The following MISP variants were observed in gnomAD, a reference collection of about 807,000 sequenced individuals.
The protein encoded by MISP is mitotic interactor and substrate of PLK1.
MISP carries 51 observed loss-of-function variants against 49.3 expected under a neutral mutation model. The ratio of observed to expected loss-of-function variants is 1.03; its 90% CI spans 0.83 to 1.31. The LOEUF is 1.31. Ranked by LOEUF, MISP falls within the 50% of genes most tolerant of loss-of-function variation. The probability of loss-of-function intolerance (pLI) is 0.00; values close to 1 mark genes in which losing one functional copy is unlikely to be tolerated. For synonymous variants in MISP, 444 were observed against 392.6 expected, an observed-to-expected ratio of 1.13 and a Z score of -1.55; for missense variants, 1,084 against 935.1, an observed-to-expected ratio of 1.16 and a Z score of -2.08.
At chr19:761,391 A>C (rs575838516) in intron 3 of MISP, among the ~76,000 whole-genome samples, 1 of 152,126 alleles carries the variant, frequency 6.6e-6, no homozygotes, top group African/African-American at 2.4e-5. Flanking sequence ...AATTAAATTA[A>C]ATAAATCATG....
In MISP at chr19:758,070, C is replaced by T. The variant is rs568954801; in HGVS notation, c.1124C>T (p.Ala375Val). The T allele has an allele frequency of 1.7e-4, 259 of 1,568,108 alleles. 1 individual carries two copies. In the South Asian group the frequency reaches 2.9e-3, roughly 18 times the overall value. ...CGGGAGGGCCTGCACGTGGGCCGGG[C>T]GTCCACACCCGACTGGGTCTCGGAG... ...HRREGLHVGR[A>V]STPDWVSEGP... Residue 375 changes from alanine (A) to valine (V), a missense_variant, in exon 2 of 5, where the codon GCG becomes GTG. By Grantham distance (64) the Ala-to-Val change is moderately conservative. Transcript: ENST00000215582.
intron 4 of MISP, among the ~76,000 whole-genome samples, chr19:763,217 C>T (rs182074865): frequency 1.2e-3 from 181 of 152,260 alleles, no homozygotes; most frequent in Non-Finnish European, 1.9e-3. Flanking sequence ...GCAGAGCTTG[C>T]AGTGAGCCAA....
rs1221182096 is a variant in MISP at position 757,837 on chromosome 19, C to T, written c.891C>T (p.Ile297=). ...AGGAGACGCCCATCGAGCGGGAGAT[C>T]CGTCTGGCTCAGGAGCGTGAGGCAG... is the stretch of plus-strand genomic sequence containing the variant. The part of the protein sequence containing the change: ...TPKETPIERE[I]RLAQEREADL... Residue 297 remains isoleucine, a synonymous_variant, in exon 2 of 5, where the codon ATC becomes ATT. Coordinates refer to ENST00000215582, the MANE Select transcript of MISP (RefSeq NM_173481.4). 1.2e-6 allele frequency: 2 copies of T among 1,611,360 alleles called. No homozygotes were observed. Among genetic ancestry groups the T allele is most frequent in the Non-Finnish European group, 1.7e-6 (2 of 1,178,850 alleles).
rs748498948 is a variant in MISP at position 757,575 on chromosome 19, C to G, written c.629C>G (p.Ala210Gly). ...FLSLEQANKGAPHSSPARGTP... is the reference protein window; with the variant it reads ...FLSLEQANKGGPHSSPARGTP... ...AGTCTGGAGCAGGCGAACAAGGGGG[C>G]CCCTCATAGCTCCCCGGCCAGGGGG... is the stretch of plus-strand genomic sequence containing the variant. The change falls in exon 2 of 5, where the codon GCC becomes GGC. Residue 210 changes from alanine to glycine, a missense_variant. Coordinates refer to ENST00000215582, the MANE Select transcript of MISP (RefSeq NM_173481.4). The G allele has an allele frequency of 1.2e-6, 2 of 1,612,878 alleles. No homozygotes were observed. Among genetic ancestry groups the G allele is most frequent in the African/African-American group, 2.7e-5 (2 of 75,044 alleles).
chr19:758,047 G>A lies in MISP; in HGVS notation c.1101G>A (p.Arg367=), dbSNP rs1249641879. Residue 367 remains arginine, a synonymous_variant, in exon 2 of 5, where the codon CGG becomes CGA. Coordinates refer to ENST00000215582, the MANE Select transcript of MISP (RefSeq NM_173481.4). The part of the protein sequence containing the change: ...QETQREEDHR[R]EGLHVGRAST... ...CACAGCGTGAGGAAGACCACCGGCGGGAGGGCCTGCACGTGGGCCGGGCGT... is the reference window on the plus strand; with the variant it reads ...CACAGCGTGAGGAAGACCACCGGCGAGAGGGCCTGCACGTGGGCCGGGCGT... 6.4e-7 allele frequency: 1 copy of A among 1,567,974 alleles called. No individual in the cohort carries two copies. Among genetic ancestry groups the A allele is most frequent in the Admixed American group, 1.8e-5 (1 of 56,404 alleles).
At position 763,497 on chromosome 19, in the gene MISP, G is replaced by A; in HGVS notation, c.1951-4G>A. On this transcript the variant is annotated splice_region_variant and splice_polypyrimidine_tract_variant and intron_variant, in intron 4 of 4. Coordinates refer to ENST00000215582, the MANE Select transcript of MISP (RefSeq NM_173481.4). ...TCGGGGGAATTCATGCCTCCTTTTT[G>A]CAGGTCCTGGAAGCCATACGGGTGA... 6.2e-7 allele frequency: 1 copy of A among 1,612,008 alleles called. No individual in the cohort carries two copies. Among genetic ancestry groups the A allele is most frequent in the Non-Finnish European group, 8.5e-7 (1 of 1,178,284 alleles).
chr19:758,729 G>A lies in MISP; in HGVS notation c.1780+3G>A. The A allele has an allele frequency of 1.2e-6, 2 of 1,609,578 alleles. No homozygotes were observed. The highest frequency in any genetic ancestry group is 1.1e-5 in the South Asian group (1 of 90,450). On this transcript the variant is annotated splice_donor_region_variant and intron_variant, in intron 2 of 4. Coordinates refer to ENST00000215582, the MANE Select transcript of MISP (RefSeq NM_173481.4). ...CAGGAGCTCCTCCCAGGCATCCGGT[G>A]AGAAGGGGCTCCAGGGAGTGGCTGC...
At chr19:760,080 C>A in intron 3 of MISP, 41 bp downstream of exon 3, 1 of 1,610,470 alleles carries the variant, frequency 6.2e-7, no homozygotes, top group South Asian at 1.1e-5. Flanking sequence ...AGGCTGAGGT[C>A]AGACAGCCCC....
In MISP at chr19:757,319, C is replaced by T. The variant is rs201623422; in HGVS notation, c.373C>T (p.Arg125Cys). The change falls in exon 2 of 5, where the codon CGC becomes TGC. Residue 125 changes from arginine to cysteine, a missense_variant. Coordinates refer to ENST00000215582, the MANE Select transcript of MISP (RefSeq NM_173481.4). ...GGAGGACAAGGAGATGAAGACCTAC[C>T]GCCTGGATGCTGGGGACGCTGACCC... Reference protein sequence around the residue: ...DGEDKEMKTYRLDAGDADPRR... With the variant: ...DGEDKEMKTYCLDAGDADPRR... 3.8e-5 allele frequency: 62 copies of T among 1,613,968 alleles called. No homozygotes were observed. Among genetic ancestry groups the T allele is most frequent in the East Asian group, 3.3e-4 (15 of 44,864 alleles).
chr19:753,769 G>A (rs1179714620), intron 1 of MISP, among the ~76,000 whole-genome samples: 1 of 151,136 alleles, frequency 6.6e-6, no homozygotes, highest in Non-Finnish European at 1.5e-5. Context: ...CGACAGTCCT[G>A]CTTTGTGGGG....
In MISP at chr19:758,599, G is replaced by A. The variant is rs771277485; in HGVS notation, c.1653G>A (p.Arg551=). Residue 551 remains arginine, a synonymous_variant, in exon 2 of 5, where the codon AGG becomes AGA. Transcript: ENST00000215582. ...CATCTGATCTGCTGGAAAGGGAGAG[G>A]GAGAGTGTCCTGCGCCGGGAGCAAG... ...SQSSDLLERE[R]ESVLRREQEV... The A allele has an allele frequency of 1.1e-5, 18 of 1,614,236 alleles. No homozygotes were observed. Among genetic ancestry groups the A allele is most frequent in the Middle Eastern group, 3.3e-4 (2 of 6,062 alleles).
chr19:754,083 C>T (rs928318953), intron 1 of MISP, among the ~76,000 whole-genome samples: 1 of 152,138 alleles, frequency 6.6e-6, no homozygotes, highest in Non-Finnish European at 1.5e-5. Flanking sequence ...TTTGGGAGGC[C>T]GAGGCAGGCG....
Position 758,238 on chromosome 19 carries a change from C to G in MISP, c.1292C>G (p.Pro431Arg), listed in dbSNP as rs767165357. 6.2e-7 allele frequency: 1 copy of G among 1,613,528 alleles called. No homozygotes were observed. Among genetic ancestry groups the G allele is most frequent in the Non-Finnish European group, 8.5e-7 (1 of 1,179,992 alleles). Reference protein sequence around the residue: ...PPDAYQPYLSPGTPQLEFSAF... With the variant: ...PPDAYQPYLSRGTPQLEFSAF... ...GATGCCTACCAGCCGTACCTGAGCC[C>G]CGGGACCCCCCAGCTAGAATTCTCA... The change falls in exon 2 of 5, where the codon CCC (proline) becomes CGC (arginine). Residue 431 changes from proline to arginine, a missense_variant. Physicochemically the swap from Pro to Arg is moderately radical, Grantham distance 103 (BLOSUM62 -2). Transcript: ENST00000215582.
In MISP at chr19:757,502, G is replaced by C. The variant is rs770380725; in HGVS notation, c.556G>C (p.Val186Leu). 3 of 1,604,548 alleles carry C rather than the reference G, an allele frequency of 1.9e-6. No individual in the cohort carries two copies. In the South Asian group the frequency reaches 3.3e-5, roughly 18 times the overall value. ...GTCCACGCCCCTGGAGGAGAACGTG[G>C]TTGACAGGGAGCAGATTGACTTCCT... ...PRSTPLEENV[V>L]DREQIDFLAA... The change falls in exon 2 of 5, where the codon GTT (valine) becomes CTT (leucine). Residue 186 changes from valine to leucine, a missense_variant. Coordinates refer to ENST00000215582, the MANE Select transcript of MISP (RefSeq NM_173481.4).
Position 763,745 on chromosome 19 carries a change from G to C in MISP, c.*155G>C. 1.7e-6 allele frequency: 1 copy of C among 603,740 alleles called. No individual in the cohort carries two copies. Among genetic ancestry groups the C allele is most frequent in the African/African-American group, 1.8e-5 (1 of 54,262 alleles). The allele number at this position is 603,740 out of a possible 1,614,324, so 37.4% of individuals were successfully genotyped here. ...ACAATCCCACCATGGGCACATTTGG[G>C]ACTGTTGGGTTTTTCGTTTCCGTTT... On this transcript the variant is annotated 3_prime_UTR_variant, in exon 5 of 5. Coordinates refer to ENST00000215582, the MANE Select transcript of MISP (RefSeq NM_173481.4).
chr19:755,967 C>G (rs934123283), intron 1 of MISP, among the ~76,000 whole-genome samples: 2 of 151,756 alleles, frequency 1.3e-5, no homozygotes, highest in African/African-American at 2.4e-5. Context: ...CTGGACTCCA[C>G]AGGGCAGGTG....
chr19:764,229 T>C lies in MISP; in HGVS notation c.*639T>C, dbSNP rs1040360669. The C allele has an allele frequency of 6.6e-6, 1 of 152,364 alleles. No homozygotes were observed. Among genetic ancestry groups the C allele is most frequent in the African/African-American group, 2.4e-5 (1 of 41,562 alleles). 9.4% of individuals were successfully genotyped at this position (152,364 alleles called of 1,614,324 possible). ...TCCCATGAGGATGGTCCCCTTCACCTGGGAGAAAAGTGACCCAGTTTAGGA... is the reference window on the plus strand; with the variant it reads ...TCCCATGAGGATGGTCCCCTTCACCCGGGAGAAAAGTGACCCAGTTTAGGA... On this transcript the variant is annotated 3_prime_UTR_variant, in exon 5 of 5. Transcript: ENST00000215582.
At chr19:753,614 C>T (rs1254850159) in intron 1 of MISP, among the ~76,000 whole-genome samples, 1 of 151,892 alleles carries the variant, frequency 6.6e-6, no homozygotes. Context: ...GTCTCGATCT[C>T]CTGACCTCGT....
intron 1 of MISP, among the ~76,000 whole-genome samples, chr19:752,535 CG>C (rs556009641): frequency 3.5e-4 from 7 of 19,914 alleles, no homozygotes; most frequent in African/African-American, 5.6e-4. Context: ...AAAAAAAAAG[CG>C]GGGGGCGGGG....
Sources: gnomAD v4.1 joint callset for allele counts (sites outside exome capture counted in the v4.1 genomes callset) on GRCh38, gnomAD v4.1.1 for gene constraint, MANE v1.5 for transcripts, NCBI Gene and HGNC (gene_info 2026-07-23, HGNC 2026-07-21) for gene names.